STAT2: variants seen among roughly 807,000 people sequenced by gnomAD.
STAT2 encodes the protein signal transducer and activator of transcription 2, also known as interferon alpha induced transcriptional activator.
STAT2 carries 51 observed loss-of-function variants against 122.3 expected under a neutral mutation model. The ratio of observed to expected loss-of-function variants is 0.42; its 90% CI spans 0.33 to 0.53. The LOEUF (loss-of-function observed/expected upper bound fraction) is 0.53. STAT2 is among the 20% of genes least tolerant of loss of function. STAT2 has a pLI of 0.10. For missense variants in STAT2, 736 were observed against 1,010.3 expected, an observed-to-expected ratio of 0.73 and a Z score of 3.68; for synonymous variants, 351 against 394.9, an observed-to-expected ratio of 0.89 and a Z score of 1.32.
At position 56,346,713 on chromosome 12, in the gene STAT2, T is replaced by C. The variant is rs574801260; in HGVS notation, c.1862-89A>G. ...TCTGGCTGCCCAGTCCCAAACCAGC[T>C]GAGGGATTCAGTTCAGAGCCAGGGA... is the stretch of plus-strand genomic sequence containing the variant. On this transcript the variant is annotated intron_variant, in intron 20 of 23. Coordinates refer to ENST00000314128, the MANE Select transcript of STAT2 (RefSeq NM_005419.4). The C allele has an allele frequency of 7.6e-5, 122 of 1,601,594 alleles. 1 individual carries two copies. In the Admixed American group the frequency reaches 1.2e-3, roughly 15 times the overall value.
intron 7 of STAT2, 24 bp downstream of exon 7, chr12:56,354,754 C>G: frequency 6.2e-7 from 1 of 1,614,106 alleles, no homozygotes; most frequent in Non-Finnish European, 8.5e-7. Flanking sequence ...TTGTTGCCCA[C>G]ATGTTCTGTC....
chr12:56,349,559 CCT>C (rs1188578008), intron 14 of STAT2, 28 bp downstream of exon 14: 1 of 1,614,032 alleles, frequency 6.2e-7, no homozygotes, highest in East Asian at 2.2e-5. Context: ...GCAAGCTCCC[CCT>C]GCCTCGAGTC....
At position 56,360,102 on chromosome 12, in the gene STAT2, C is replaced by T; in HGVS notation, c.-52G>A. On this transcript the variant is annotated 5_prime_UTR_variant, in exon 1 of 24. Coordinates refer to ENST00000314128, the MANE Select transcript of STAT2 (RefSeq NM_005419.4). ...CCGCGCCCTCCAATGGCTCTGGTCG[C>T]GACTTCCCGTCCCTAGTATGAGCTC... 2.0e-6 allele frequency: 2 copies of T among 985,458 alleles called. No homozygotes were observed. Among genetic ancestry groups the T allele is most frequent in the East Asian group, 1.1e-4 (1 of 8,806 alleles). 61.0% of individuals were successfully genotyped at this position (985,458 alleles called of 1,614,324 possible). A position where few individuals can be genotyped will look rare whatever the true frequency, so the allele number is the denominator to read the frequency against.
At chr12:56,350,507 A>T (rs1181095193) in intron 11 of STAT2, 75 bp from the exon 12 acceptor site, 3 of 1,425,044 alleles carry the variant, frequency 2.1e-6, no homozygotes, top group African/African-American at 2.9e-5. Context: ...TTGGGATCAG[A>T]CAGACCTCGG....
intron 19 of STAT2, among the ~76,000 whole-genome samples, chr12:56,348,087 GTT>G (rs745864117): frequency 2.5e-5 from 3 of 119,568 alleles, no homozygotes; most frequent in African/African-American, 3.0e-5. Context: ...ATTATTGGTT[GTT>G]TTTTTTTTTT....
At chr12:56,353,699 A>G (rs750446389) in intron 8 of STAT2, among the ~76,000 whole-genome samples, 23 of 151,948 alleles carry the variant, frequency 1.5e-4, no homozygotes, top group Non-Finnish European at 2.9e-4. Flanking sequence ...ATGGATAAAT[A>G]TAATATACTG....
In STAT2 at chr12:56,350,926, C is replaced by T. The variant is rs748826606; in HGVS notation, c.1035-38G>A. On this transcript the variant is annotated intron_variant, in intron 10 of 23. Transcript: ENST00000314128. ...AGGGGGATAGGGGAAAGTGGTCAAC[C>T]TCAACCTTCCGGATAGACTAGATGT... 10 of 1,610,648 alleles carry T rather than the reference C, an allele frequency of 6.2e-6. No homozygotes were observed. In the Admixed American group the frequency reaches 8.3e-5, roughly 13 times the overall value.
At chr12:56,347,875 G>A (rs1286705265) in intron 19 of STAT2, among the ~76,000 whole-genome samples, 1 of 152,152 alleles carries the variant, frequency 6.6e-6, no homozygotes, top group Non-Finnish European at 1.5e-5. Flanking sequence ...TGGGCTTGGA[G>A]TCACATAGGC....
intron 6 of STAT2, 151 bp from the exon 7 acceptor site, chr12:56,355,014 G>T: frequency 1.2e-6 from 1 of 815,452 alleles, no homozygotes; most frequent in Non-Finnish European, 2.0e-6. Flanking sequence ...GGCAAATTCT[G>T]AATGGTCATG....
chr12:56,355,400 A>T, intron 5 of STAT2, 43 bp downstream of exon 5: 1 of 1,614,122 alleles, frequency 6.2e-7, no homozygotes, highest in Non-Finnish European at 8.5e-7. Context: ...GGGAGGTGTT[A>T]GGCTGAACGC....
intron 11 of STAT2, 87 bp downstream of exon 11, chr12:56,350,742 T>G: frequency 7.3e-7 from 1 of 1,375,586 alleles, no homozygotes; most frequent in South Asian, 1.2e-5. Flanking sequence ...AGGAAGGAGA[T>G]AGCCCTAGGG....
At chr12:56,348,415 G>A (rs533115096) in intron 19 of STAT2, 114 bp downstream of exon 19, 24 of 1,039,876 alleles carry the variant, frequency 2.3e-5, no homozygotes, top group South Asian at 9.6e-5. Flanking sequence ...GTGAGGAGAC[G>A]TGGCCTGCAC....
rs773936572 is a variant in STAT2 at position 56,344,012 on chromosome 12, C to T, written c.2226G>A (p.Lys742=). ...ELSLDLEPLL[K]AGLDLGPELE... is the part of the protein sequence containing the mutation. ...GCTCTGGCCCCAGATCCAGCCCTGCCTTCAGCAGTGGCTCTAAGTCCAGGC... is the reference window on the plus strand; with the variant it reads ...GCTCTGGCCCCAGATCCAGCCCTGCTTTCAGCAGTGGCTCTAAGTCCAGGC... Residue 742 remains lysine, a synonymous_variant, in exon 23 of 24, where the codon AAG becomes AAA. Coordinates refer to ENST00000314128, the MANE Select transcript of STAT2 (RefSeq NM_005419.4). 30 of 1,613,990 alleles carry T rather than the reference C, an allele frequency of 1.9e-5. No individual in the cohort carries two copies. Among genetic ancestry groups the T allele is most frequent in the Non-Finnish European group, 2.3e-5 (27 of 1,179,986 alleles).
chr12:56,349,326 G>C, intron 15 of STAT2, 65 bp from the exon 16 acceptor site: 1 of 1,614,068 alleles, frequency 6.2e-7, no homozygotes, highest in East Asian at 2.2e-5. Flanking sequence ...TTTGTTAGAG[G>C]AAAGGAGTGC....
At chr12:56,345,774 C>G (rs1877354748) in intron 22 of STAT2, among the ~76,000 whole-genome samples, 1 of 149,662 alleles carries the variant, frequency 6.7e-6, no homozygotes, top group Non-Finnish European at 1.5e-5. Flanking sequence ...GGCGACAGAA[C>G]AAAACCCTGT....
intron 22 of STAT2, among the ~76,000 whole-genome samples, chr12:56,345,189 A>AG (rs1435823322): frequency 6.7e-6 from 1 of 148,470 alleles, no homozygotes; most frequent in Non-Finnish European, 1.5e-5. Flanking sequence ...AAAAAAAAAA[A>AG]AAAAAAAAAT....
chr12:56,356,516 T>C lies in STAT2; in HGVS notation c.56A>G (p.His19Arg), dbSNP rs374722858. Residue 19 changes from histidine (H) to arginine (R), a missense_variant, in exon 2 of 24, where the codon CAC (histidine) becomes CGC (arginine). Transcript: ENST00000314128. ...NLDSPFQDQLHQLYSHSLLPV... is the reference protein window; with the variant it reads ...NLDSPFQDQLRQLYSHSLLPV... ...CAGGAGGCTGTGCGAGTAAAGCTGG[T>C]GCAGCTGATCCTGAAAGGGGCTGTC... 1.9e-6 allele frequency: 3 copies of C among 1,614,130 alleles called. No individual in the cohort carries two copies. The highest frequency in any genetic ancestry group is 2.5e-6 in the Non-Finnish European group (3 of 1,180,056).
rs376036648 is a variant in STAT2, at chr12:56,354,523, T to C, written c.725A>G (p.Gln242Arg). Reference protein sequence around the residue: ...LPKLEEWKAQQQKACIRAPID... With the variant: ...LPKLEEWKAQRQKACIRAPID... ...GGGAGCTCTGATGCAGGCTTTTTGC[T>C]GCTGGGCCTTCCACTCCTCCAACTT... Residue 242 changes from glutamine to arginine, a missense_variant, in exon 8 of 24, where the codon CAG (glutamine) becomes CGG (arginine). Transcript: ENST00000314128. 6.2e-7 allele frequency: 1 copy of C among 1,614,126 alleles called. No individual in the cohort carries two copies. The highest frequency in any genetic ancestry group is 8.5e-7 in the Non-Finnish European group (1 of 1,180,054).
chr12:56,355,569 C>G (rs774099396), intron 4 of STAT2, 37 bp from the exon 5 acceptor site: 13 of 1,611,938 alleles, frequency 8.1e-6, no homozygotes, highest in African/African-American at 2.7e-5. Context: ...TTAACTCTGG[C>G]CTTTCATGCC....
Sources: gnomAD v4.1 joint callset for allele counts (sites outside exome capture counted in the v4.1 genomes callset) on GRCh38, gnomAD v4.1.1 for gene constraint, MANE v1.5 for transcripts, NCBI Gene and HGNC (gene_info 2026-07-23, HGNC 2026-07-21) for gene names.